The following PPP1R12B variants were observed in gnomAD, a reference collection of about 807,000 sequenced individuals.
The protein encoded by PPP1R12B is myosin phosphatase target subunit 2.
Under a neutral mutation model 126.1 loss-of-function variants are expected in PPP1R12B, and 76 were observed. The observed-to-expected ratio is 0.60, with a 90% CI of 0.50 to 0.73. The LOEUF is 0.73. Ranked by LOEUF, PPP1R12B falls within the 30% of genes least tolerant of loss-of-function variation. PPP1R12B has a pLI of 0.00. For synonymous variants in PPP1R12B, 356 were observed against 434.7 expected, an observed-to-expected ratio of 0.82 and a Z score of 2.25; for missense variants, 1,052 against 1,205.1, an observed-to-expected ratio of 0.87 and a Z score of 1.88.
intron 17 of PPP1R12B, among the ~76,000 whole-genome samples, chr1:202,495,929 TAAA>T (rs1314010035): frequency 2.0e-5 from 3 of 152,134 alleles, no homozygotes; most frequent in Non-Finnish European, 2.9e-5. Context: ...GGCAAAGAAT[TAAA>T]AAACTGGAAA....
intron 18 of PPP1R12B, among the ~76,000 whole-genome samples, chr1:202,512,066 G>A (rs1172257371): frequency 6.6e-6 from 1 of 152,218 alleles, no homozygotes; most frequent in Non-Finnish European, 1.5e-5. Context: ...TTTAGAGTCA[G>A]AAGACTGGGT....
In PPP1R12B at chr1:202,562,864, C is replaced by T. The variant is rs1572517904; in HGVS notation, c.2594C>T (p.Ala865Val). Residue 865 changes from alanine (A) to valine (V), a missense_variant, in exon 20 of 24, where the codon GCC (alanine) becomes GTC (valine). Coordinates refer to ENST00000608999, the MANE Select transcript of PPP1R12B (RefSeq NM_002481.4). ...SARARREAREARLATLTSRVE... is the reference protein window; with the variant it reads ...SARARREAREVRLATLTSRVE... ...AGAGCCCGTCGGGAGGCCCGGGAGGCCCGCCTAGCCACCCTGACCAGCCGT... is the reference window on the plus strand; with the variant it reads ...AGAGCCCGTCGGGAGGCCCGGGAGGTCCGCCTAGCCACCCTGACCAGCCGT... 1.6e-5 allele frequency: 26 copies of T among 1,612,606 alleles called. No homozygotes were observed. The highest frequency in any genetic ancestry group is 2.2e-5 in the Non-Finnish European group (26 of 1,179,502).
chr1:202,579,519 C>T (rs375657170), intron 23 of PPP1R12B, among the ~76,000 whole-genome samples: 15 of 152,194 alleles, frequency 9.9e-5, no homozygotes, highest in African/African-American at 3.6e-4. Context: ...TATCAACATC[C>T]CATTAGGATT....
intron 18 of PPP1R12B, chr1:202,539,920 T>G: frequency 1.5e-6 from 1 of 675,004 alleles, no homozygotes; most frequent in South Asian, 2.4e-5. Flanking sequence ...CAAAGCTGAA[T>G]TGAAAATATT....
At chr1:202,409,118 C>A (rs1023100700) in intron 1 of PPP1R12B, among the ~76,000 whole-genome samples, 3 of 152,060 alleles carry the variant, frequency 2.0e-5, no homozygotes, top group Non-Finnish European at 4.4e-5. Flanking sequence ...GAATTACAGG[C>A]ATGAGCCATT....
chr1:202,409,217 G>A (rs183315876), intron 1 of PPP1R12B, among the ~76,000 whole-genome samples: 62 of 152,074 alleles, frequency 4.1e-4, no homozygotes, highest in African/African-American at 1.4e-3. Flanking sequence ...AATAGAAATG[G>A]TAATTCTATT....
At chr1:202,576,765 T>G (rs1689130796) in intron 23 of PPP1R12B, 1 of 152,058 alleles carries the variant, frequency 6.6e-6, no homozygotes, top group Non-Finnish European at 1.5e-5. Flanking sequence ...ATTTAAGGCC[T>G]GTGCTGAATG....
intron 13 of PPP1R12B, among the ~76,000 whole-genome samples, chr1:202,481,498 G>C (rs1300727596): frequency 6.6e-6 from 1 of 151,812 alleles, no homozygotes; most frequent in African/African-American, 2.4e-5. Context: ...GTAAAACAAT[G>C]CCACTCTTCT....
intron 1 of PPP1R12B, among the ~76,000 whole-genome samples, chr1:202,360,495 G>A (rs1657967940): frequency 6.6e-6 from 1 of 152,058 alleles, no homozygotes; most frequent in Non-Finnish European, 1.5e-5. Context: ...GATCACCTGA[G>A]GTCAGGTGTT....
chr1:202,377,378 C>T (rs2148473022), intron 1 of PPP1R12B, among the ~76,000 whole-genome samples: 1 of 151,432 alleles, frequency 6.6e-6, no homozygotes, highest in African/African-American at 2.4e-5. Flanking sequence ...TCTCGACTCA[C>T]TGCAAGCTCC....
chr1:202,446,257 T>TA (rs1491304391), intron 12 of PPP1R12B, among the ~76,000 whole-genome samples: 347 of 20,754 alleles, frequency 0.017, 2 homozygotes, highest in Non-Finnish European at 0.019. Context: ...TATATATATA[T>TA]TTTTTTTTTT....
chr1:202,540,019 A>G, intron 18 of PPP1R12B: 3 of 1,367,882 alleles, frequency 2.2e-6, no homozygotes, highest in Middle Eastern at 2.1e-4. Context: ...ATTTAGTTCT[A>G]TCCAAAGTCA....
rs756174760 is a variant in PPP1R12B at position 202,427,176 on chromosome 1, A to C, written c.838A>C (p.Asn280His). ...AEALCDMDIR[N>H]KLGQTPFDVA... ...AGCACTTTGTGACATGGATATTCGAAATAAACTGGTTAGTGAGCCTGAACC... is the reference window on the plus strand; with the variant it reads ...AGCACTTTGTGACATGGATATTCGACATAAACTGGTTAGTGAGCCTGAACC... Residue 280 changes from asparagine to histidine, a missense_variant, in exon 5 of 24, where the codon AAT becomes CAT. By Grantham distance (68) the Asn-to-His change is moderately conservative (BLOSUM62 1). Coordinates refer to ENST00000608999, the MANE Select transcript of PPP1R12B (RefSeq NM_002481.4). 9 of 1,613,984 alleles carry C rather than the reference A, an allele frequency of 5.6e-6. No homozygotes were observed. The highest frequency in any genetic ancestry group is 7.6e-6 in the Non-Finnish European group (9 of 1,179,976).
intron 1 of PPP1R12B, among the ~76,000 whole-genome samples, chr1:202,403,453 C>T (rs1240988962): frequency 3.3e-5 from 5 of 152,200 alleles, no homozygotes; most frequent in African/African-American, 7.2e-5. Flanking sequence ...ATCACTAACA[C>T]GTGCCTTTAA....
At chr1:202,443,055 G>T (rs748931528) in intron 12 of PPP1R12B, 2 of 970,986 alleles carry the variant, frequency 2.1e-6, no homozygotes, top group South Asian at 9.5e-5. Context: ...GACTTGAGTT[G>T]TTTTTTTTCT....
rs556296469 is a variant in PPP1R12B, at chr1:202,564,456, C to T, written c.2666C>T (p.Ala889Val). The T allele has an allele frequency of 1.9e-6, 3 of 1,610,216 alleles. No individual in the cohort carries two copies. The African/African-American group carries it at 4.0e-5, about 21-fold the overall frequency. Residue 889 changes from alanine (A) to valine (V), a missense_variant, in exon 21 of 24, where the codon GCT becomes GTT. Coordinates refer to ENST00000608999, the MANE Select transcript of PPP1R12B (RefSeq NM_002481.4). Reference protein sequence around the residue: ...NRDYKKLYESALTENQKLKTK... With the variant: ...NRDYKKLYESVLTENQKLKTK... The stretch of plus-strand genomic sequence containing the variant: ...CCTCTCCTCTAGCTCTATGAGAGTG[C>T]TCTGACTGAAAACCAAAAACTGAAA...
intron 13 of PPP1R12B, among the ~76,000 whole-genome samples, chr1:202,451,140 T>TA (rs398103601): frequency 6.6e-6 from 1 of 151,548 alleles, no homozygotes; most frequent in Non-Finnish European, 1.5e-5. Context: ...CTTTTTTTTT[T>TA]AATAGTAGTA....
At chr1:202,386,611 G>A (rs534454840) in intron 1 of PPP1R12B, among the ~76,000 whole-genome samples, 2 of 152,280 alleles carry the variant, frequency 1.3e-5, no homozygotes, top group Admixed American at 6.5e-5. Flanking sequence ...GAGCCACGGC[G>A]CCTGGCCTGG....
intron 1 of PPP1R12B, among the ~76,000 whole-genome samples, chr1:202,365,003 C>T (rs1191112669): frequency 6.6e-6 from 1 of 152,208 alleles, no homozygotes; most frequent in Non-Finnish European, 1.5e-5. Context: ...TGAGCTACCG[C>T]ACCCAGCCAG....
Sources: gnomAD v4.1 joint callset for allele counts (sites outside exome capture counted in the v4.1 genomes callset) on GRCh38, gnomAD v4.1.1 for gene constraint, MANE v1.5 for transcripts, NCBI Gene and HGNC (gene_info 2026-07-23, HGNC 2026-07-21) for gene names.